The following PNPT1 variants were observed in gnomAD, a reference collection of about 807,000 sequenced individuals.
PNPT1 encodes the protein polyribonucleotide nucleotidyltransferase 1, mitochondrial.
Under a neutral mutation model 119.5 loss-of-function variants are expected in PNPT1, and 53 were observed. The ratio of observed to expected loss-of-function variants is 0.44; its 90% CI spans 0.36 to 0.56. The LOEUF (loss-of-function observed/expected upper bound fraction) is 0.56. Ranked by LOEUF, PNPT1 falls within the 20% of genes least tolerant of loss-of-function variation. The pLI, the probability that PNPT1 is intolerant of heterozygous loss-of-function variation, is 0.00. For synonymous variants in PNPT1, 357 were observed against 322.1 expected, an observed-to-expected ratio of 1.11 and a Z score of -1.16; for missense variants, 948 against 938.5, an observed-to-expected ratio of 1.01 and a Z score of -0.13.
chr2:55,653,929 C>T (rs1285538283), intron 18 of PNPT1, among the ~76,000 whole-genome samples: 1 of 152,072 alleles, frequency 6.6e-6, no homozygotes, highest in Non-Finnish European at 1.5e-5. Context: ...TCTCGAATAG[C>T]AGCATTCATG....
rs771322946 is a variant in PNPT1, at chr2:55,672,013, T to G, written c.900A>C (p.Thr300=). The change falls in exon 10 of 28, where the codon ACA becomes ACC. Residue 300 remains threonine (T), a synonymous_variant. Coordinates refer to ENST00000447944, the MANE Select transcript of PNPT1 (RefSeq NM_033109.5). ...LAMERLYAVF[T]DYEHDKVSRD... The stretch of plus-strand genomic sequence containing the variant: ...TACCTACTTTGTCATGCTCGTAATC[T>G]GTAAAAACTGCATAGAGTCTCTCCA... 6.2e-7 allele frequency: 1 copy of G among 1,602,530 alleles called. No homozygotes were observed. Among genetic ancestry groups the G allele is most frequent in the Non-Finnish European group, 8.5e-7 (1 of 1,174,856 alleles).
intron 17 of PNPT1, among the ~76,000 whole-genome samples, chr2:55,655,315 A>G (rs1036120012): frequency 3.3e-5 from 5 of 152,128 alleles, no homozygotes; most frequent in Non-Finnish European, 7.4e-5. Context: ...TTGTATTTTT[A>G]GTACAGACAG....
Position 55,647,335 on chromosome 2 carries a change from G to A in PNPT1, c.1602+12C>T, listed in dbSNP as rs920999521. On this transcript the variant is annotated intron_variant, in intron 19 of 27. Transcript: ENST00000447944. ...TTCATTATTAAATATTTGAAACCGA[G>A]AATATACTTGCCAAAATATCTGTCA... The A allele has an allele frequency of 6.3e-7, 1 of 1,577,892 alleles. No homozygotes were observed. Among genetic ancestry groups the A allele is most frequent in the African/African-American group, 1.4e-5 (1 of 73,602 alleles).
intron 7 of PNPT1, 61 bp from the exon 8 acceptor site, chr2:55,679,856 T>C: frequency 8.6e-7 from 1 of 1,161,326 alleles, no homozygotes; most frequent in Non-Finnish European, 1.3e-6. Context: ...CAAGACATTA[T>C]TCCAGTCATG....
intron 18 of PNPT1, among the ~76,000 whole-genome samples, chr2:55,651,085 C>A (rs1696174661): frequency 6.8e-6 from 1 of 146,904 alleles, no homozygotes; most frequent in African/African-American, 2.5e-5. Flanking sequence ...GGGGTCAGCC[C>A]CCCCGCCCAG....
rs1455794671 is a variant in PNPT1 at position 55,683,801 on chromosome 2, T to C, written c.437A>G (p.Tyr146Cys). 3 of 1,613,382 alleles carry C rather than the reference T, an allele frequency of 1.9e-6. No individual in the cohort carries two copies. The highest frequency in any genetic ancestry group is 1.7e-5 in the Admixed American group (1 of 59,958). ...RSIRPLFPAG[Y>C]FYDTQVLCNL... ...AGAATCTACCTGTGTATCATAGAAG[T>C]AGCCAGCTGGAAAGAGCGGTCTAAT... Residue 146 changes from tyrosine (Y) to cysteine (C), a missense_variant, in exon 5 of 28, where the codon TAC becomes TGC. Physicochemically the swap from Tyr to Cys is radical, Grantham distance 194. Coordinates refer to ENST00000447944, the MANE Select transcript of PNPT1 (RefSeq NM_033109.5).
At chr2:55,682,173 TTC>T (rs1697268133) in intron 5 of PNPT1, among the ~76,000 whole-genome samples, 1 of 150,966 alleles carries the variant, frequency 6.6e-6, no homozygotes, top group Admixed American at 6.6e-5. Flanking sequence ...AATAAAAAAT[TTC>T]TGTTGGCCAG....
At chr2:55,674,126 T>C (rs1696994655) in intron 8 of PNPT1, among the ~76,000 whole-genome samples, 2 of 152,338 alleles carry the variant, frequency 1.3e-5, no homozygotes, top group Non-Finnish European at 1.5e-5. Context: ...CTTGCACAGA[T>C]GGGGAAATCT....
intron 21 of PNPT1, 96 bp downstream of exon 21, chr2:55,646,163 T>G: frequency 1.6e-6 from 2 of 1,245,570 alleles, no homozygotes; most frequent in Non-Finnish European, 2.2e-6. Flanking sequence ...AAATTCCACT[T>G]TTTAAAGCAA....
chr2:55,689,970 C>T (rs984371677), intron 1 of PNPT1, among the ~76,000 whole-genome samples: 4 of 152,110 alleles, frequency 2.6e-5, no homozygotes, highest in Admixed American at 6.6e-5. Context: ...TACAGGTGTG[C>T]ACCACCATGC....
intron 2 of PNPT1, among the ~76,000 whole-genome samples, chr2:55,686,988 G>A (rs1422094553): frequency 6.6e-6 from 1 of 150,706 alleles, no homozygotes; most frequent in African/African-American, 2.4e-5. Flanking sequence ...GCTGAGGCAG[G>A]CGGATCACGA....
chr2:55,643,385 T>C lies in PNPT1; in HGVS notation c.1947A>G (p.Val649=). ...GCATAGCACTGGGTGTTGGTGCAAA[T>C]ACAGAAAACGTTTCTTCATCCACCT... is the stretch of plus-strand genomic sequence containing the variant. ...ISQVDEETFS[V]FAPTPSAMHE... Residue 649 remains valine (V), a synonymous_variant, in exon 24 of 28, where the codon GTA becomes GTG. Transcript: ENST00000447944. 6.2e-7 allele frequency: 1 copy of C among 1,614,124 alleles called. No individual in the cohort carries two copies. The highest frequency in any genetic ancestry group is 8.5e-7 in the Non-Finnish European group (1 of 1,180,008).
chr2:55,673,191 G>T, intron 8 of PNPT1, 112 bp from the exon 9 acceptor site: 3 of 799,280 alleles, frequency 3.8e-6, no homozygotes, highest in Non-Finnish European at 5.6e-6. Context: ...TTACTTCTTA[G>T]TGATAGATCC....
Position 55,684,930 on chromosome 2 carries a change from G to A in PNPT1, c.403+13C>T. ...TACCAGAGAAGATGAACGCCTCTATGTTAATATCTTACCTATTATTCGACT... is the reference window on the plus strand; with the variant it reads ...TACCAGAGAAGATGAACGCCTCTATATTAATATCTTACCTATTATTCGACT... On this transcript the variant is annotated intron_variant, in intron 4 of 27. Coordinates refer to ENST00000447944, the MANE Select transcript of PNPT1 (RefSeq NM_033109.5). 6.4e-7 allele frequency: 1 copy of A among 1,551,056 alleles called. No homozygotes were observed. Among genetic ancestry groups the A allele is most frequent in the Middle Eastern group, 1.7e-4 (1 of 5,790 alleles).
At position 55,679,793 on chromosome 2, in the gene PNPT1, C is replaced by A. The variant is rs142168803; in HGVS notation, c.568G>T (p.Ala190Ser). 3.8e-6 allele frequency: 6 copies of A among 1,591,946 alleles called. No individual in the cohort carries two copies. The highest frequency in any genetic ancestry group is 1.7e-5 in the Admixed American group (1 of 58,170). The change falls in exon 8 of 28, where the codon GCA (alanine) becomes TCA (serine). Residue 190 changes from alanine to serine, a missense_variant and splice_region_variant. Transcript: ENST00000447944. ...CCATCAATTATTCCTATTCGTACTGCCCCTAAAATGTATTAGAATATTGGC... is the reference window on the plus strand; with the variant it reads ...CCATCAATTATTCCTATTCGTACTGACCCTAAAATGTATTAGAATATTGGC... ...SDIPWNGPVG[A>S]VRIGIIDGEY...
chr2:55,657,264 G>A lies in PNPT1; in HGVS notation c.1285-893C>T, dbSNP rs553376325. Among the ~76,000 whole-genome samples the A allele has an allele frequency of 2.0e-5, 3 of 152,058 alleles. No individual in the cohort carries two copies. In the East Asian group the frequency reaches 5.9e-4, roughly 30 times the overall value. On this transcript the variant is annotated intron_variant, in intron 15 of 27. Coordinates refer to ENST00000447944, the MANE Select transcript of PNPT1 (RefSeq NM_033109.5). The stretch of plus-strand genomic sequence containing the variant: ...GAATTGCTTGAACCCAGGAGGTGGA[G>A]GTTGCAGTAAGCCGAGACTGCACCA...
chr2:55,687,438 C>A (rs1415971084), intron 2 of PNPT1, among the ~76,000 whole-genome samples: 6 of 147,670 alleles, frequency 4.1e-5, no homozygotes, highest in African/African-American at 5.0e-5. Context: ...GAGTCCACCT[C>A]AAAAAAAAAA....
intron 18 of PNPT1, among the ~76,000 whole-genome samples, chr2:55,647,812 C>T (rs1559089877): frequency 6.6e-6 from 1 of 152,076 alleles, no homozygotes; most frequent in Non-Finnish European, 1.5e-5. Context: ...CGTGAGCCAC[C>T]GCGCCCAGCA....
intron 1 of PNPT1, among the ~76,000 whole-genome samples, chr2:55,688,725 AAAAAC>A (rs1288258414): frequency 6.6e-6 from 1 of 152,098 alleles, no homozygotes; most frequent in Non-Finnish European, 1.5e-5. Flanking sequence ...ACTCTGTAAC[AAAAAC>A]AAAACAAAAC....
Sources: gnomAD v4.1 joint callset for allele counts (sites outside exome capture counted in the v4.1 genomes callset) on GRCh38, gnomAD v4.1.1 for gene constraint, MANE v1.5 for transcripts, NCBI Gene and HGNC (gene_info 2026-07-23, HGNC 2026-07-21) for gene names.